SNTG1: variants seen among roughly 807,000 people sequenced by gnomAD.
SNTG1 encodes the protein gamma-1-syntrophin.
A neutral mutation model predicts 74.7 loss-of-function variants in SNTG1; 39 were observed. The ratio of observed to expected loss-of-function variants is 0.52; its 90% CI spans 0.40 to 0.68. The LOEUF (loss-of-function observed/expected upper bound fraction) is 0.68, where lower values mean the gene tolerates loss of function less well. Among genes scored for constraint, SNTG1 ranks in the 30% least tolerant of loss-of-function variants. The pLI is 0.00. For missense variants in SNTG1, 685 were observed against 609.5 expected (o/e 1.12, Z -1.30); for synonymous variants, 254 against 217.1 (o/e 1.17, Z -1.49).
At chr8:50,369,081 C>A (rs1039787431) in intron 2 of SNTG1, among the ~76,000 whole-genome samples, 7 of 152,050 alleles carry the variant, frequency 4.6e-5, no homozygotes, top group Non-Finnish European at 8.8e-5. Context: ...TTGGGGGCTA[C>A]TGGAATGGGA....
intron 1 of SNTG1, among the ~76,000 whole-genome samples, chr8:50,024,966 A>T (rs1373988153): frequency 4.6e-5 from 7 of 152,046 alleles, no homozygotes; most frequent in African/African-American, 1.7e-4. Flanking sequence ...CAAGTCGTTT[A>T]TTTCTGAAAT....
chr8:50,337,109 G>A (rs756324673), intron 2 of SNTG1, among the ~76,000 whole-genome samples: 1 of 152,130 alleles, frequency 6.6e-6, no homozygotes, highest in Admixed American at 6.5e-5. Flanking sequence ...CAGGCTGCTT[G>A]TTTCTGCTCT....
At chr8:50,307,865 T>C (rs2130726507) in intron 2 of SNTG1, among the ~76,000 whole-genome samples, 1 of 152,270 alleles carries the variant, frequency 6.6e-6, no homozygotes, top group Non-Finnish European at 1.5e-5. Flanking sequence ...TCTAGCTTCA[T>C]GGCATTAGAG....
rs75394660 is a variant in SNTG1 at position 50,530,304 on chromosome 8, A to G, written c.549+45A>G. The stretch of plus-strand genomic sequence containing the variant: ...GCTCAGATTAATAAGGAGATAACAC[A>G]TAGCTTATAAAAACTGCTAGTGAAT... On this transcript the variant is annotated intron_variant, in intron 10 of 18. Transcript: ENST00000642720. 827 of 1,567,798 alleles carry G rather than the reference A, an allele frequency of 5.3e-4. 4 individuals are homozygous for G. The African/African-American group carries it at 0.01, about 19-fold the overall frequency.
intron 2 of SNTG1, among the ~76,000 whole-genome samples, chr8:50,268,511 A>T (rs1202495138): frequency 2.6e-5 from 4 of 152,146 alleles, no homozygotes; most frequent in Non-Finnish European, 4.4e-5. Flanking sequence ...AGTGAGAAGA[A>T]TCACTCTAAC....
chr8:50,450,693 T>G lies in SNTG1; in HGVS notation c.327T>G (p.Asn109Lys). The G allele has an allele frequency of 6.2e-7, 1 of 1,613,474 alleles. No individual in the cohort carries two copies. The highest frequency in any genetic ancestry group is 8.5e-7 in the Non-Finnish European group (1 of 1,179,750). Reference sequence around the variant, plus strand: ...TGCTTTTCTTTTCATTGCAGATAAATGGCATTAATGTGAGAAAATGTAGAC... The same window carrying G: ...TGCTTTTCTTTTCATTGCAGATAAAGGGCATTAATGTGAGAAAATGTAGAC... ...LFIGDAILQI[N>K]GINVRKCRHE... The change falls in exon 8 of 19, where the codon AAT (asparagine) becomes AAG (lysine). Residue 109 changes from asparagine (N) to lysine (K), a missense_variant. By Grantham distance (94) the Asn-to-Lys change is moderately conservative. Transcript: ENST00000642720.
At chr8:50,553,714 T>A (rs2094440008) in intron 12 of SNTG1, among the ~76,000 whole-genome samples, 1 of 152,208 alleles carries the variant, frequency 6.6e-6, no homozygotes, top group Non-Finnish European at 1.5e-5. Context: ...TCCACATTCC[T>A]GTGTCTCTTT....
At chr8:50,502,653 T>C (rs2093971149) in intron 8 of SNTG1, 125 bp from the exon 9 acceptor site, 2 of 696,678 alleles carry the variant, frequency 2.9e-6, no homozygotes, top group Non-Finnish European at 2.4e-6. Flanking sequence ...CTATCTTTTA[T>C]AAAATGTTTC....
chr8:50,266,239 T>C (rs1015060022), intron 2 of SNTG1, among the ~76,000 whole-genome samples: 4 of 152,072 alleles, frequency 2.6e-5, no homozygotes, highest in African/African-American at 7.2e-5. Context: ...AGGAAAGACA[T>C]ATATAAATCA....
Position 50,208,118 on chromosome 8 carries a change from C to T in SNTG1, c.-28+35483C>T, listed in dbSNP as rs141853293. 5.3e-3 allele frequency among the ~76,000 whole-genome samples: 812 copies of T among 152,226 alleles called. 2 individuals carry two copies. The highest frequency in any genetic ancestry group is 9.7e-3 in the Non-Finnish European group (663 of 68,014). ...AGAGCTGAGTTCAATTCCTGGATAT[C>T]CTTCTTAACTTTCTGTCTCGTCGAT... On this transcript the variant is annotated intron_variant, in intron 2 of 18. Transcript: ENST00000642720.
intron 1 of SNTG1, among the ~76,000 whole-genome samples, chr8:50,103,285 A>G (rs2080222378): frequency 1.3e-5 from 2 of 152,150 alleles, no homozygotes; most frequent in African/African-American, 4.8e-5. Flanking sequence ...CGTCCTTAGT[A>G]AGTTGGATTC....
chr8:50,047,852 C>T (rs978322655), intron 1 of SNTG1, among the ~76,000 whole-genome samples: 5 of 152,046 alleles, frequency 3.3e-5, no homozygotes, highest in Admixed American at 1.3e-4. Context: ...TACCAAGTTG[C>T]TAAGATGATT....
intron 13 of SNTG1, among the ~76,000 whole-genome samples, chr8:50,622,287 T>G (rs1461768945): frequency 1.3e-5 from 2 of 152,218 alleles, no homozygotes; most frequent in Non-Finnish European, 2.9e-5. Flanking sequence ...AAACACTTGC[T>G]GAATGTAAGA....
At chr8:50,524,437 A>G (rs909224902) in intron 9 of SNTG1, among the ~76,000 whole-genome samples, 2 of 152,276 alleles carry the variant, frequency 1.3e-5, no homozygotes, top group African/African-American at 4.8e-5. Flanking sequence ...TCATGTTAAT[A>G]TACTTTATTA....
At chr8:50,486,188 A>T (rs1396928939) in intron 8 of SNTG1, among the ~76,000 whole-genome samples, 1 of 151,320 alleles carries the variant, frequency 6.6e-6, no homozygotes, top group Admixed American at 6.6e-5. Flanking sequence ...CTGTGAAGAA[A>T]GTCATTGGTA....
intron 1 of SNTG1, among the ~76,000 whole-genome samples, chr8:50,117,601 C>T (rs147631733): frequency 7.9e-5 from 12 of 152,190 alleles, no homozygotes; most frequent in Middle Eastern, 3.4e-3. Flanking sequence ...AAATTGTTTT[C>T]GCTCCATTGC....
intron 12 of SNTG1, among the ~76,000 whole-genome samples, chr8:50,558,813 T>C (rs1480494955): frequency 6.6e-6 from 1 of 152,134 alleles, no homozygotes; most frequent in Non-Finnish European, 1.5e-5. Flanking sequence ...TTCAGACAAA[T>C]AGAAAAATAA....
chr8:50,306,671 T>G (rs565726943), intron 2 of SNTG1, among the ~76,000 whole-genome samples: 3 of 152,082 alleles, frequency 2.0e-5, no homozygotes, highest in African/African-American at 4.8e-5. Flanking sequence ...TTTTTTCTTG[T>G]TTGTTAGCCA....
At chr8:50,698,565 C>T (rs2095412852) in intron 15 of SNTG1, among the ~76,000 whole-genome samples, 1 of 152,110 alleles carries the variant, frequency 6.6e-6, no homozygotes, top group Non-Finnish European at 1.5e-5. Flanking sequence ...TCGGTTCTGG[C>T]TGTGGGAACC....
Sources: allele counts gnomAD v4.1 joint callset (sites outside exome capture counted in the v4.1 genomes callset), GRCh38; gene constraint gnomAD v4.1.1; transcripts MANE v1.5; gene names NCBI Gene and HGNC (gene_info 2026-07-23, HGNC 2026-07-21).